The following LLGL2 variants were observed in gnomAD, a reference collection of about 807,000 sequenced individuals.
LLGL2 encodes the protein LLGL scribble cell polarity complex component 2.
Under a neutral mutation model 123.2 loss-of-function variants are expected in LLGL2, and 81 were observed. The ratio of observed to expected loss-of-function variants is 0.66; its 90% CI spans 0.55 to 0.79. The LOEUF (loss-of-function observed/expected upper bound fraction) is 0.79, where lower values mean the gene tolerates loss of function less well. LLGL2 is among the 30% of genes least tolerant of loss of function. The pLI is 0.00. For missense variants in LLGL2, 1,273 were observed against 1,414.6 expected, an observed-to-expected ratio of 0.90 and a Z score of 1.61; for synonymous variants, 577 against 594.1, an observed-to-expected ratio of 0.97 and a Z score of 0.42.
At chr17:75,572,390 G>A (rs999059935) in intron 19 of LLGL2, among the ~76,000 whole-genome samples, 7 of 152,216 alleles carry the variant, frequency 4.6e-5, no homozygotes, top group Non-Finnish European at 7.4e-5. Flanking sequence ...TGGGCCAGGC[G>A]CGGTGGCTCA....
chr17:75,554,168 G>C (rs551786088), intron 2 of LLGL2, among the ~76,000 whole-genome samples: 6 of 152,238 alleles, frequency 3.9e-5, no homozygotes, highest in Non-Finnish European at 8.8e-5. Flanking sequence ...TGGGCATGGT[G>C]GTGGGTGCCT....
rs1386005173 is a variant in LLGL2 at position 75,568,582 on chromosome 17, T to C, written c.1143T>C (p.Ser381=). 4 of 1,613,972 alleles carry C rather than the reference T, an allele frequency of 2.5e-6. No individual in the cohort carries two copies. Among genetic ancestry groups the C allele is most frequent in the Middle Eastern group, 1.6e-4 (1 of 6,062 alleles). The change falls in exon 11 of 26, where the codon TCT becomes TCC. Residue 381 remains serine (S), a synonymous_variant. Coordinates refer to ENST00000392550, the MANE Select transcript of LLGL2 (RefSeq NM_001031803.2). ...WPPVQLPYLA[S]LHCSAITCSH... is the part of the protein sequence containing the mutation. The stretch of plus-strand genomic sequence containing the variant: ...CGGTCCAGCTGCCCTACCTGGCTTC[T>C]CTGCACTGTTCCGCCATCACCTGCT...
At chr17:75,561,533 A>G (rs1315033275) in intron 6 of LLGL2, among the ~76,000 whole-genome samples, 2 of 151,986 alleles carry the variant, frequency 1.3e-5, no homozygotes, top group Admixed American at 1.3e-4. Context: ...AGGTGGGAGG[A>G]TCACTTGAGC....
intron 2 of LLGL2, among the ~76,000 whole-genome samples, chr17:75,552,260 C>T (rs2054710153): frequency 6.6e-6 from 1 of 151,422 alleles, no homozygotes; most frequent in South Asian, 2.1e-4. Flanking sequence ...AGGCTGAGGC[C>T]TGTGGATCAC....
chr17:75,526,756 T>C (rs2053589071), intron 1 of LLGL2, among the ~76,000 whole-genome samples: 1 of 152,020 alleles, frequency 6.6e-6, no homozygotes, highest in African/African-American at 2.4e-5. Flanking sequence ...GAGAGGATTC[T>C]GAGCAGGGAG....
Position 75,525,751 on chromosome 17 carries a change from G to C in LLGL2, c.-105G>C, listed in dbSNP as rs1299130491. ...CGCCCAGCAGCCCGTGGGCAGGCGC[G>C]GCGGAGCGAGCGGGGCCGGCGGCGG... On this transcript the variant is annotated 5_prime_UTR_variant, in exon 1 of 26. Coordinates refer to ENST00000392550, the MANE Select transcript of LLGL2 (RefSeq NM_001031803.2). This position sits in a 1 kb window ranked among gnomAD's most constrained non-coding sequence, Gnocchi z 4.8. 3 of 149,026 alleles carry C rather than the reference G, an allele frequency of 2.0e-5. No individual in the cohort carries two copies. Among genetic ancestry groups the C allele is most frequent in the Non-Finnish European group, 4.5e-5 (3 of 66,708 alleles). 9.2% of individuals were successfully genotyped at this position (149,026 alleles called of 1,614,324 possible).
At position 75,558,610 on chromosome 17, in the gene LLGL2, A is replaced by G; in HGVS notation, c.354A>G (p.Thr118=). The change falls in exon 5 of 26, where the codon ACA becomes ACG. Residue 118 remains threonine (T), a synonymous_variant. Coordinates refer to ENST00000392550, the MANE Select transcript of LLGL2 (RefSeq NM_001031803.2). The surrounding 1 kb of genome is among the most constrained non-coding windows in gnomAD (Gnocchi z 4.0). ...AGCTGCAGGAGGATGAGAGCTTCAC[A>G]CTGCGTGGACCCCCAGGGTAAGGGC... is the stretch of plus-strand genomic sequence containing the variant. ...ASELQEDESF[T]LRGPPGAAPS... is the part of the protein sequence containing the mutation. 2.5e-6 allele frequency: 4 copies of G among 1,606,020 alleles called. No homozygotes were observed. The highest frequency in any genetic ancestry group is 4.5e-5 in the East Asian group (2 of 44,500).
Position 75,570,652 on chromosome 17 carries a change from G to C in LLGL2, c.2025+154G>C, listed in dbSNP as rs1044359520. The C allele has an allele frequency of 1.5e-5, 7 of 476,040 alleles. No homozygotes were observed. In the African/African-American group the frequency reaches 1.5e-4, roughly 10 times the overall value. 29.5% of individuals were successfully genotyped at this position (476,040 alleles called of 1,614,324 possible). ...CATTGTGTGACCTCAGACAGGTCAC[G>C]CTGCTTCTCTCTGCCTCAGCTTCCT... On this transcript the variant is annotated intron_variant, in intron 16 of 25. Transcript: ENST00000392550.
In LLGL2 at chr17:75,568,502, G is replaced by A; in HGVS notation, c.1063G>A (p.Val355Met). The A allele has an allele frequency of 6.2e-7, 1 of 1,613,136 alleles. No homozygotes were observed. The highest frequency in any genetic ancestry group is 8.5e-7 in the Non-Finnish European group (1 of 1,179,966). Residue 355 changes from valine (V) to methionine (M), a missense_variant, in exon 11 of 26, where the codon GTG becomes ATG. Physicochemically the swap from Val to Met is conservative, Grantham distance 21 (BLOSUM62 1). Transcript: ENST00000392550. ...CTTTGACGACCCCTATGCCCTGGTG[G>A]TGCTGGCTGAGGAGGAGCTGGTGGT... is the stretch of plus-strand genomic sequence containing the variant. The part of the protein sequence containing the change: ...ATFDDPYALV[V>M]LAEEELVVID...
upstream of LLGL2, among the ~76,000 whole-genome samples, chr17:75,525,548 G>A (rs1210068244): frequency 6.6e-6 from 1 of 151,066 alleles, no homozygotes; most frequent in Non-Finnish European, 1.5e-5. This position sits in a 1 kb window ranked among gnomAD's most constrained non-coding sequence, Gnocchi z 4.8. Context: ...GCGCTTCCCG[G>A]GGCCGCGGAT....
At chr17:75,530,564 G>T (rs971622076) in intron 1 of LLGL2, among the ~76,000 whole-genome samples, 5 of 151,500 alleles carry the variant, frequency 3.3e-5, no homozygotes, top group Non-Finnish European at 5.9e-5. Flanking sequence ...GCAGGAGAAT[G>T]GTGTGAACCC....
At position 75,556,063 on chromosome 17, in the gene LLGL2, C is replaced by T. The variant is rs762924049; in HGVS notation, c.93C>T (p.Phe31=). The T allele has an allele frequency of 1.9e-6, 3 of 1,609,096 alleles. No individual in the cohort carries two copies. The South Asian group carries it at 3.3e-5, about 18-fold the overall frequency. ...FQFNKTVEHG[F]PHQPSALGYS... is the part of the protein sequence containing the mutation. ...CGTTGCAGACGGTGGAGCATGGCTT[C>T]CCGCACCAGCCCAGCGCCCTCGGCT... Residue 31 remains phenylalanine (F), a synonymous_variant, in exon 3 of 26, where the codon TTC becomes TTT. Transcript: ENST00000392550.
chr17:75,556,357 C>T (rs777325953), intron 3 of LLGL2, among the ~76,000 whole-genome samples: 23 of 152,116 alleles, frequency 1.5e-4, no homozygotes, highest in Middle Eastern at 3.2e-3. Context: ...TGGTGGGATG[C>T]GACCCTGTCC....
chr17:75,559,397 G>A lies in LLGL2; in HGVS notation c.517G>A (p.Ala173Thr), dbSNP rs141069900. Residue 173 changes from alanine (A) to threonine (T), a missense_variant, in exon 6 of 26, where the codon GCG (alanine) becomes ACG (threonine). Transcript: ENST00000392550. The surrounding 1 kb of genome is among the most constrained non-coding windows in gnomAD (Gnocchi z 4.6). ...ALEDRTISSD[A>T]VLQRLPEEAR... ...GGAGGACCGGACCATCAGCTCGGAC[G>A]CGGTGCTGCAGCGGTGAGCCCAGAG... The A allele has an allele frequency of 3.6e-4, 582 of 1,609,752 alleles. 4 individuals carry two copies. The African/African-American group carries it at 5.3e-3, about 15-fold the overall frequency.
chr17:75,525,504 C>T (rs1209585138), upstream of LLGL2, among the ~76,000 whole-genome samples: 1 of 151,470 alleles, frequency 6.6e-6, no homozygotes, highest in East Asian at 2.0e-4. This position sits in a 1 kb window ranked among gnomAD's most constrained non-coding sequence, Gnocchi z 4.8. Flanking sequence ...GGCGGGCCTG[C>T]GGAACCCCGA....
intron 3 of LLGL2, among the ~76,000 whole-genome samples, chr17:75,557,034 C>CTTTTTTTTTTTTTTTTT (rs55649536): frequency 5.5e-5 from 6 of 109,886 alleles, no homozygotes; most frequent in African/African-American, 2.8e-4. Flanking sequence ...GTCTCAAAAA[C>CTTTTTTTTTTTTTTTTT]TTTTTTTTTT....
intron 1 of LLGL2, among the ~76,000 whole-genome samples, chr17:75,538,795 T>C (rs1598522648): frequency 6.6e-6 from 1 of 152,188 alleles, no homozygotes; most frequent in South Asian, 2.1e-4. Context: ...ACCCAGGCAG[T>C]AGGAACAGGG....
intron 6 of LLGL2, among the ~76,000 whole-genome samples, chr17:75,560,102 GAC>G (rs746702735): frequency 6.6e-6 from 1 of 152,220 alleles, no homozygotes; most frequent in Non-Finnish European, 1.5e-5. Context: ...CTGGGCCTGG[GAC>G]ACACTCCTGC....
Position 75,558,722 on chromosome 17 carries a change from G to T in LLGL2, c.371+95G>T. ...ACTCACCCTTTGTGAGGCCTGTTGCGCCCCTGGCAGTGACTGGCATGCGTT... is the reference window on the plus strand; with the variant it reads ...ACTCACCCTTTGTGAGGCCTGTTGCTCCCCTGGCAGTGACTGGCATGCGTT... On this transcript the variant is annotated intron_variant, in intron 5 of 25. Transcript: ENST00000392550. The surrounding 1 kb of genome is among the most constrained non-coding windows in gnomAD (Gnocchi z 4.0). The T allele has an allele frequency of 1.0e-6, 1 of 963,292 alleles. No individual in the cohort carries two copies. 59.7% of individuals were successfully genotyped at this position (963,292 alleles called of 1,614,324 possible). A position where few individuals can be genotyped will look rare whatever the true frequency, so the allele number is the denominator to read the frequency against.
Sources: allele counts gnomAD v4.1 joint callset (sites outside exome capture counted in the v4.1 genomes callset), GRCh38; gene constraint gnomAD v4.1.1; non-coding constraint Gnocchi (gnomAD v3.1); transcripts MANE v1.5; gene names NCBI Gene and HGNC (gene_info 2026-07-23, HGNC 2026-07-21).